PCP4: variants seen among roughly 807,000 people sequenced by gnomAD.
PCP4 encodes the protein Purkinje cell protein 4, also known as calmodulin regulator protein PCP4.
PCP4 carries 8 observed loss-of-function variants against 10.0 expected under a neutral mutation model. That is an observed-to-expected ratio of 0.80 (90% CI 0.47 to 1.45). The LOEUF (loss-of-function observed/expected upper bound fraction) is 1.45, where lower values mean the gene tolerates loss of function less well. PCP4 is among the 40% of genes most tolerant of loss of function. The pLI is 0.00. For synonymous variants in PCP4, 21 were observed against 23.0 expected (o/e 0.91, Z 0.24); for missense variants, 54 against 74.4 (o/e 0.73, Z 1.01).
At chr21:39,911,899 G>A (rs1032684973) in intron 2 of PCP4, among the ~76,000 whole-genome samples, 1 of 152,188 alleles carries the variant, frequency 6.6e-6, no homozygotes, top group Non-Finnish European at 1.5e-5. Flanking sequence ...TCACACATCT[G>A]ACAGTTGAAC....
chr21:39,898,045 C>CAAAAAAAAAAA (rs780273912), intron 1 of PCP4, among the ~76,000 whole-genome samples: 2 of 74,052 alleles, frequency 2.7e-5, no homozygotes, highest in African/African-American at 4.9e-5. Context: ...GACTCAGTCT[C>CAAAAAAAAAAA]AAAAAAAAAA....
At chr21:39,887,635 C>T (rs535892713) in intron 1 of PCP4, among the ~76,000 whole-genome samples, 83 of 152,274 alleles carry the variant, frequency 5.5e-4, no homozygotes, top group Non-Finnish European at 7.9e-4. Context: ...GCTTAATGAT[C>T]GAGGTGGCCT....
chr21:39,880,503 G>A (rs1045353257), intron 1 of PCP4, among the ~76,000 whole-genome samples: 5 of 152,134 alleles, frequency 3.3e-5, no homozygotes, highest in African/African-American at 9.7e-5. Context: ...GTGTGTATAC[G>A]TGTATATGTT....
chr21:39,918,547 T>C (rs1416264205), intron 2 of PCP4, among the ~76,000 whole-genome samples: 6 of 152,208 alleles, frequency 3.9e-5, no homozygotes, highest in African/African-American at 1.4e-4. Flanking sequence ...TGGAAAAAGC[T>C]TTAAGTACCA....
chr21:39,907,135 C>T (rs931553213), intron 2 of PCP4, among the ~76,000 whole-genome samples: 3 of 152,114 alleles, frequency 2.0e-5, no homozygotes, highest in African/African-American at 7.2e-5. Context: ...TAATATTTCT[C>T]CTTGGAAAAT....
intron 1 of PCP4, among the ~76,000 whole-genome samples, chr21:39,882,584 G>A (rs763642949): frequency 6.6e-6 from 1 of 152,232 alleles, no homozygotes; most frequent in African/African-American, 2.4e-5. Context: ...AGCTTCCCTA[G>A]TTGAAGTATA....
intron 1 of PCP4, among the ~76,000 whole-genome samples, chr21:39,875,963 T>C (rs555389916): frequency 6.6e-6 from 1 of 152,196 alleles, no homozygotes; most frequent in East Asian, 1.9e-4. Flanking sequence ...TTGGTGCCCA[T>C]GAAGACATCC....
At chr21:39,891,428 G>A (rs139624717) in intron 1 of PCP4, among the ~76,000 whole-genome samples, 1 of 152,360 alleles carries the variant, frequency 6.6e-6, no homozygotes, top group Non-Finnish European at 1.5e-5. Context: ...CAGATGCATG[G>A]GGAATTGGTG....
At chr21:39,921,509 A>G (rs1204452453) in intron 2 of PCP4, among the ~76,000 whole-genome samples, 2 of 152,238 alleles carry the variant, frequency 1.3e-5, no homozygotes, top group Admixed American at 6.5e-5. Context: ...CTGATTCTCT[A>G]TGATGCAAAG....
At position 39,929,043 on chromosome 21, in the gene PCP4, C is replaced by T. The variant is rs748762723; in HGVS notation, c.121C>T (p.Arg41Cys). 6 of 1,612,778 alleles carry T rather than the reference C, an allele frequency of 3.7e-6. No individual in the cohort carries two copies. The highest frequency in any genetic ancestry group is 2.2e-5 in the East Asian group (1 of 44,826). ...DIDMDAPETE[R>C]AAVAIQSQFR... ...TGACATGGATGCACCAGAGACAGAACGTGCAGCGGTGGCCATTCAGTCTCA... is the reference window on the plus strand; with the variant it reads ...TGACATGGATGCACCAGAGACAGAATGTGCAGCGGTGGCCATTCAGTCTCA... Residue 41 changes from arginine to cysteine, a missense_variant, in exon 3 of 3, where the codon CGT (arginine) becomes TGT (cysteine). Arg to Cys is a radical substitution (Grantham distance 180). Coordinates refer to ENST00000328619, the MANE Select transcript of PCP4 (RefSeq NM_006198.3).
intron 2 of PCP4, among the ~76,000 whole-genome samples, chr21:39,899,294 G>A (rs1201485230): frequency 1.3e-5 from 2 of 152,212 alleles, no homozygotes; most frequent in African/African-American, 4.8e-5. Context: ...TAGTTCCGGT[G>A]AGGTGAGACT....
At chr21:39,921,154 C>T (rs1386654669) in intron 2 of PCP4, among the ~76,000 whole-genome samples, 2 of 152,210 alleles carry the variant, frequency 1.3e-5, no homozygotes, top group African/African-American at 4.8e-5. Flanking sequence ...GCCTGGTAAA[C>T]CAGCAGATTT....
At chr21:39,874,013 A>G (rs915151841) in intron 1 of PCP4, among the ~76,000 whole-genome samples, 9 of 152,196 alleles carry the variant, frequency 5.9e-5, no homozygotes, top group African/African-American at 2.2e-4. Flanking sequence ...CACCCACTAA[A>G]TGCCATTATT....
Position 39,929,219 on chromosome 21 carries a change from A to T in PCP4, c.*108A>T. On this transcript the variant is annotated 3_prime_UTR_variant, in exon 3 of 3. Coordinates refer to ENST00000328619, the MANE Select transcript of PCP4 (RefSeq NM_006198.3). ...GAGAAGTCATCCACACACAATCCAC[A>T]CACGCATAGCAAACCTCCAATGCAT... 3.7e-6 allele frequency: 4 copies of T among 1,081,610 alleles called. No homozygotes were observed. The highest frequency in any genetic ancestry group is 5.3e-6 in the Non-Finnish European group (4 of 750,804). The allele number at this position is 1,081,610 out of a possible 1,614,324, so 67.0% of individuals were successfully genotyped here. A position where few individuals can be genotyped will look rare whatever the true frequency, so the allele number is the denominator to read the frequency against.
chr21:39,872,540 G>A (rs1002472498), intron 1 of PCP4, among the ~76,000 whole-genome samples: 11 of 152,144 alleles, frequency 7.2e-5, no homozygotes, highest in Non-Finnish European at 1.3e-4. Flanking sequence ...CATGCATACA[G>A]GTTTATGTTA....
intron 1 of PCP4, among the ~76,000 whole-genome samples, chr21:39,868,847 G>A (rs1329223091): frequency 6.6e-6 from 1 of 152,170 alleles, no homozygotes; most frequent in Non-Finnish European, 1.5e-5. Context: ...ATGTCTAAAT[G>A]TGTATGGAAT....
At chr21:39,924,802 TGAG>T (rs2087612700) in intron 2 of PCP4, among the ~76,000 whole-genome samples, 1 of 152,222 alleles carries the variant, frequency 6.6e-6, no homozygotes, top group African/African-American at 2.4e-5. Flanking sequence ...CTGAATGTGC[TGAG>T]ATTACCGGCA....
intron 1 of PCP4, among the ~76,000 whole-genome samples, chr21:39,889,377 C>G (rs772037401): frequency 1.4e-4 from 21 of 151,128 alleles, no homozygotes; most frequent in Admixed American, 2.6e-4. Flanking sequence ...CCCAGTCCAA[C>G]CATATCTCAC....
In PCP4 at chr21:39,906,511, C is replaced by T. The variant is rs1490526880; in HGVS notation, c.61+7984C>T. On this transcript the variant is annotated intron_variant, in intron 2 of 2. Transcript: ENST00000328619. The surrounding 1 kb of genome is among the most constrained non-coding windows in gnomAD (Gnocchi z 6.3). ...ATAGCCTCTTCATATTTCACCTGCC[C>T]TCTTCCTCACCCTTTCTCTTTCTCC... is the stretch of plus-strand genomic sequence containing the variant. 1.3e-5 allele frequency among the ~76,000 whole-genome samples: 2 copies of T among 151,962 alleles called. No individual in the cohort carries two copies. Among genetic ancestry groups the T allele is most frequent in the Non-Finnish European group, 2.9e-5 (2 of 68,002 alleles).
Sources: gnomAD v4.1 joint callset for allele counts (sites outside exome capture counted in the v4.1 genomes callset) on GRCh38, gnomAD v4.1.1 for gene constraint, Gnocchi (gnomAD v3.1) non-coding constraint, MANE v1.5 for transcripts, NCBI Gene and HGNC (gene_info 2026-07-23, HGNC 2026-07-21) for gene names.